The following LAMA2 variants were observed in gnomAD, a reference collection of about 807,000 sequenced individuals.
LAMA2 encodes laminin subunit alpha-2.
A neutral mutation model predicts 364.8 loss-of-function variants in LAMA2; 269 were observed. The observed-to-expected ratio is 0.74, with a 90% confidence interval of 0.67 to 0.82. The LOEUF (loss-of-function observed/expected upper bound fraction) is 0.82. Among genes scored for constraint, LAMA2 ranks in the 40% least tolerant of loss-of-function variants. The pLI is 0.00. For synonymous variants in LAMA2, 1,379 were observed against 1,370.6 expected (o/e 1.01, Z -0.14); for missense variants, 3,807 against 3,873.2 (o/e 0.98, Z 0.45).
intron 37 of LAMA2, 39 bp downstream of exon 37, chr6:129,393,294 T>C: frequency 6.7e-7 from 1 of 1,493,396 alleles, no homozygotes; most frequent in Middle Eastern, 1.7e-4. Flanking sequence ...TCTCAGAAGG[T>C]TGGGGACTGC....
At chr6:129,017,112 C>T (rs1785128759) in intron 1 of LAMA2, among the ~76,000 whole-genome samples, 1 of 151,890 alleles carries the variant, frequency 6.6e-6, no homozygotes, top group South Asian at 2.1e-4. Context: ...TTTTATCTCA[C>T]ACTTAAAGAA....
intron 29 of LAMA2, among the ~76,000 whole-genome samples, chr6:129,330,473 A>G (rs932522827): frequency 1.3e-5 from 2 of 149,306 alleles, no homozygotes; most frequent in South Asian, 2.1e-4. Context: ...CCCTAGCACT[A>G]CTCCTGTCAT....
intron 15 of LAMA2, among the ~76,000 whole-genome samples, chr6:129,262,644 C>A (rs1326511059): frequency 1.3e-5 from 2 of 152,130 alleles, no homozygotes; most frequent in Non-Finnish European, 2.9e-5. Flanking sequence ...TTCATTTCTT[C>A]TACTCTCTAA....
chr6:129,470,278 T>G (rs1343859354), intron 51 of LAMA2, among the ~76,000 whole-genome samples: 1 of 151,618 alleles, frequency 6.6e-6, no homozygotes, highest in Non-Finnish European at 1.5e-5. Flanking sequence ...GATTTGGGAG[T>G]TAGATGATAA....
chr6:128,955,165 T>C (rs1159120785), intron 1 of LAMA2, among the ~76,000 whole-genome samples: 6 of 151,996 alleles, frequency 3.9e-5, no homozygotes, highest in Non-Finnish European at 7.4e-5. Flanking sequence ...CTTCAGTTTG[T>C]ATTTTTAATA....
intron 40 of LAMA2, among the ~76,000 whole-genome samples, chr6:129,406,828 C>T (rs964692046): frequency 6.6e-6 from 1 of 152,088 alleles, no homozygotes; most frequent in Admixed American, 6.5e-5. Context: ...GATGAAGTCC[C>T]ACAATAGGCC....
At chr6:129,335,423 T>A (rs1038844800) in intron 29 of LAMA2, among the ~76,000 whole-genome samples, 2 of 151,988 alleles carry the variant, frequency 1.3e-5, no homozygotes, top group Admixed American at 1.3e-4. Flanking sequence ...TTTCATTTAA[T>A]CATTGCTACA....
At chr6:128,973,016 A>G (rs140731054) in intron 1 of LAMA2, among the ~76,000 whole-genome samples, 62 of 152,308 alleles carry the variant, frequency 4.1e-4, no homozygotes, top group Non-Finnish European at 6.8e-4. Flanking sequence ...TTGAAAATGT[A>G]CAGAAAAATA....
chr6:128,883,428 C>G, intron 1 of LAMA2, 71 bp downstream of exon 1: 1 of 1,542,614 alleles, frequency 6.5e-7, no homozygotes, highest in Non-Finnish European at 8.7e-7. Flanking sequence ...TCCACTCTTC[C>G]GAGAGTTGCT....
In LAMA2 at chr6:129,287,858, G is replaced by T. The variant is rs34487290; in HGVS notation, c.2549G>T (p.Gly850Val). The T allele has an allele frequency of 1.3e-5, 21 of 1,613,820 alleles. No individual in the cohort carries two copies. In the African/African-American group the frequency reaches 2.5e-4, roughly 20 times the overall value. The change falls in exon 19 of 65, where the codon GGC becomes GTC. Residue 850 changes from glycine to valine, a missense_variant. Coordinates refer to ENST00000421865, the MANE Select transcript of LAMA2 (RefSeq NM_000426.4). ...ATTTCTTGCCTTAGGTGTGCAGAAG[G>T]CTATTTTGGACAACCCTCTGTACCT... Reference protein sequence around the residue: ...TGPRCERCAEGYFGQPSVPGG... With the variant: ...TGPRCERCAEVYFGQPSVPGG...
At chr6:129,203,862 A>T (rs1782452837) in intron 12 of LAMA2, among the ~76,000 whole-genome samples, 1 of 152,138 alleles carries the variant, frequency 6.6e-6, no homozygotes, top group South Asian at 2.1e-4. Context: ...TTATCTGCAA[A>T]ATGAGGCTTC....
At chr6:129,509,131 G>A (rs1354391874) in intron 62 of LAMA2, among the ~76,000 whole-genome samples, 1 of 152,062 alleles carries the variant, frequency 6.6e-6, no homozygotes, top group Non-Finnish European at 1.5e-5. Context: ...TGATATACCT[G>A]TTTTTCATCT....
At chr6:129,515,830 C>T (rs1422762327) in intron 64 of LAMA2, among the ~76,000 whole-genome samples, 1 of 152,072 alleles carries the variant, frequency 6.6e-6, no homozygotes, top group East Asian at 1.9e-4. Flanking sequence ...GTAATCCCAA[C>T]ACTTTGGAAT....
intron 1 of LAMA2, among the ~76,000 whole-genome samples, chr6:128,972,499 A>G (rs1421231207): frequency 6.6e-6 from 1 of 152,242 alleles, no homozygotes; most frequent in East Asian, 1.9e-4. Flanking sequence ...TAAATGTTCA[A>G]CAAATGATAG....
rs137931481 is a variant in LAMA2 at position 129,258,511 on chromosome 6, A to T, written c.2097-2200A>T. 2.9e-3 allele frequency among the ~76,000 whole-genome samples: 444 copies of T among 152,084 alleles called. 6 individuals carry two copies. Among genetic ancestry groups the T allele is most frequent in the East Asian group, 0.028 (144 of 5,188 alleles). On this transcript the variant is annotated intron_variant, in intron 14 of 64. Transcript: ENST00000421865. ...TTGTTAGTTTACAGGGGTTAGAGGAAGAGGGGAAAAGAGAATGACTGCCTA... is the reference window on the plus strand; with the variant it reads ...TTGTTAGTTTACAGGGGTTAGAGGATGAGGGGAAAAGAGAATGACTGCCTA...
At position 129,144,757 on chromosome 6, in the gene LAMA2, T is replaced by A. The variant is rs542233883; in HGVS notation, c.819+677T>A. 6.6e-5 allele frequency among the ~76,000 whole-genome samples: 10 copies of A among 152,158 alleles called. No homozygotes were observed. In the South Asian group the frequency reaches 8.3e-4, roughly 13 times the overall value. ...ATAGGAGAAAACTGATTCTACATAC[T>A]GTTTTATTTTCCTTTACAAATAAAA... On this transcript the variant is annotated intron_variant, in intron 5 of 64. Coordinates refer to ENST00000421865, the MANE Select transcript of LAMA2 (RefSeq NM_000426.4).
At position 129,098,298 on chromosome 6, in the gene LAMA2, G is replaced by A. The variant is rs760338218; in HGVS notation, c.522G>A (p.Thr174=). 11 of 1,613,890 alleles carry A rather than the reference G, an allele frequency of 6.8e-6. No homozygotes were observed. Among genetic ancestry groups the A allele is most frequent in the Admixed American group, 3.3e-5 (2 of 59,986 alleles). Residue 174 remains threonine (T), a synonymous_variant, in exon 4 of 65, where the codon ACG becomes ACA. Transcript: ENST00000421865. ...GGCAGTATCATGCTGTGACAGACAC[G>A]GAGTGCCTAACGCTTTACAATATTT... ...KPWQYHAVTD[T]ECLTLYNIYP...
chr6:129,224,475 T>C (rs1784104238), intron 12 of LAMA2, among the ~76,000 whole-genome samples: 1 of 152,188 alleles, frequency 6.6e-6, no homozygotes, highest in Non-Finnish European at 1.5e-5. Flanking sequence ...TGATATTGGC[T>C]GTGGGTTTGT....
intron 3 of LAMA2, among the ~76,000 whole-genome samples, chr6:129,079,820 A>G (rs1466163436): frequency 6.6e-6 from 1 of 152,138 alleles, no homozygotes; most frequent in East Asian, 1.9e-4. Context: ...TATACAACAC[A>G]TATACAAATA....
Sources: allele counts gnomAD v4.1 joint callset (sites outside exome capture counted in the v4.1 genomes callset), GRCh38; gene constraint gnomAD v4.1.1; transcripts MANE v1.5; gene names NCBI Gene and HGNC (gene_info 2026-07-23, HGNC 2026-07-21).